The following TMPRSS11F variants were observed in gnomAD, a reference collection of about 807,000 sequenced individuals.
TMPRSS11F encodes the protein transmembrane serine protease 11F.
Under a neutral mutation model 60.2 loss-of-function variants are expected in TMPRSS11F, and 47 were observed. The ratio of observed to expected loss-of-function variants is 0.78; its 90% CI spans 0.62 to 1.00. The LOEUF is 1.00. Among genes scored for constraint, TMPRSS11F ranks in the 50% least tolerant of loss-of-function variants. The probability of loss-of-function intolerance (pLI) is 0.00; values close to 1 mark genes in which losing one functional copy is unlikely to be tolerated. For missense variants in TMPRSS11F, 519 were observed against 522.9 expected (o/e 0.99, Z 0.07); for synonymous variants, 166 against 167.3 (o/e 0.99, Z 0.06).
intron 9 of TMPRSS11F, among the ~76,000 whole-genome samples, chr4:68,057,481 C>T (rs1447243499): frequency 6.6e-6 from 1 of 151,876 alleles, no homozygotes; most frequent in Middle Eastern, 3.2e-3. Context: ...ACTCAGGCAA[C>T]AAAAGCAAAA....
intron 1 of TMPRSS11F, among the ~76,000 whole-genome samples, chr4:68,119,552 C>CT (rs970909228): frequency 6.6e-6 from 1 of 152,086 alleles, no homozygotes; most frequent in Non-Finnish European, 1.5e-5. Context: ...TTCTAGGGCC[C>CT]TTAAGAATTA....
intron 1 of TMPRSS11F, among the ~76,000 whole-genome samples, chr4:68,116,763 A>G (rs1159463036): frequency 1.3e-5 from 2 of 152,240 alleles, no homozygotes; most frequent in African/African-American, 4.8e-5. Context: ...TCCTCAATAA[A>G]GAGTATTAGG....
At position 68,129,813 on chromosome 4, in the gene TMPRSS11F, T is replaced by C. The variant is rs1724783823; in HGVS notation, c.8A>G (p.Tyr3Cys). The C allele has an allele frequency of 6.2e-7, 1 of 1,613,304 alleles. No homozygotes were observed. Among genetic ancestry groups the C allele is most frequent in the African/African-American group, 1.3e-5 (1 of 74,930 alleles). The change falls in exon 1 of 10, where the codon TAC (tyrosine) becomes TGC (cysteine). Residue 3 changes from tyrosine to cysteine, a missense_variant. By Grantham distance (194) the Tyr-to-Cys change is radical. Coordinates refer to ENST00000356291, the MANE Select transcript of TMPRSS11F (RefSeq NM_207407.2). Reference protein sequence around the residue: MMYAPVEFSEAEF... With the variant: MMCAPVEFSEAEF... ...CTGAGAAAAGCTGAATACTTACGCG[T>C]ACATCATGAACCCAGGACTGGGGCA... is the stretch of plus-strand genomic sequence containing the variant.
Position 68,102,640 on chromosome 4 carries a change from T to C in TMPRSS11F, c.12-3602A>G, listed in dbSNP as rs549045262. The stretch of plus-strand genomic sequence containing the variant: ...TTCTTTAGAGAAATGTCTATTCAGG[T>C]CTTTTGCACATTTTTTAATCAGGTT... On this transcript the variant is annotated intron_variant, in intron 1 of 9. Transcript: ENST00000356291. 5.9e-5 allele frequency among the ~76,000 whole-genome samples: 9 copies of C among 152,294 alleles called. No individual in the cohort carries two copies. In the East Asian group the frequency reaches 1.7e-3, roughly 29 times the overall value.
At chr4:68,074,998 A>T (rs921194021) in intron 3 of TMPRSS11F, among the ~76,000 whole-genome samples, 15 of 152,344 alleles carry the variant, frequency 9.8e-5, no homozygotes, top group Middle Eastern at 3.4e-3. Context: ...AGATTAAAAA[A>T]TTTTTTTAAA....
chr4:68,073,568 G>T (rs1215925265), intron 4 of TMPRSS11F, among the ~76,000 whole-genome samples: 1 of 152,164 alleles, frequency 6.6e-6, no homozygotes, highest in Non-Finnish European at 1.5e-5. Flanking sequence ...TGTCATGAAA[G>T]AAACACTTTA....
At chr4:68,117,372 C>T (rs925877929) in intron 1 of TMPRSS11F, among the ~76,000 whole-genome samples, 2 of 142,512 alleles carry the variant, frequency 1.4e-5, no homozygotes, top group Non-Finnish European at 3.0e-5. Flanking sequence ...GGGGCTGAGG[C>T]AGGAGAATGG....
At position 68,058,724 on chromosome 4, in the gene TMPRSS11F, T is replaced by C. The variant is rs72853374; in HGVS notation, c.1158+602A>G. 5.2e-3 allele frequency among the ~76,000 whole-genome samples: 794 copies of C among 151,802 alleles called. 9 individuals are homozygous for C. Among genetic ancestry groups the C allele is most frequent in the African/African-American group, 0.016 (682 of 41,362 alleles). ...AGGTTGTGCATGTTGGGAATGAGAG[T>C]TGGTAGACTAGGGTATAACATAGTA... is the stretch of plus-strand genomic sequence containing the variant. On this transcript the variant is annotated intron_variant, in intron 9 of 9. Coordinates refer to ENST00000356291, the MANE Select transcript of TMPRSS11F (RefSeq NM_207407.2).
intron 1 of TMPRSS11F, among the ~76,000 whole-genome samples, chr4:68,126,175 A>G (rs1182156643): frequency 6.6e-6 from 1 of 152,120 alleles, no homozygotes; most frequent in African/African-American, 2.4e-5. Context: ...ATATGTGTGT[A>G]TGTGTGTATT....
intron 1 of TMPRSS11F, among the ~76,000 whole-genome samples, chr4:68,117,390 C>A (rs1388305537): frequency 6.8e-6 from 1 of 146,526 alleles, no homozygotes; most frequent in Non-Finnish European, 1.5e-5. Context: ...TGGAGTGAAC[C>A]CTGGGTGGCA....
At chr4:68,061,899 A>T (rs1016819881) in intron 8 of TMPRSS11F, 37 of 421,786 alleles carry the variant, frequency 8.8e-5, no homozygotes, top group African/African-American at 7.6e-4. Context: ...TGAACTTTTA[A>T]AAAAAAATTA....
At chr4:68,121,019 T>C (rs1724615939) in intron 1 of TMPRSS11F, among the ~76,000 whole-genome samples, 1 of 152,228 alleles carries the variant, frequency 6.6e-6, no homozygotes, top group African/African-American at 2.4e-5. Flanking sequence ...TATTGTGATA[T>C]TCACTTTATT....
chr4:68,090,488 C>A (rs549070724), intron 3 of TMPRSS11F, 35 bp downstream of exon 3: 3 of 1,551,318 alleles, frequency 1.9e-6, no homozygotes, highest in Admixed American at 4.3e-5. Context: ...GCAAAAGACA[C>A]ATTAATAAAC....
chr4:68,073,021 T>C lies in TMPRSS11F; in HGVS notation c.351-535A>G, dbSNP rs576383313. Among the ~76,000 whole-genome samples the C allele has an allele frequency of 7.2e-5, 11 of 152,216 alleles. No homozygotes were observed. The South Asian group carries it at 2.3e-3, about 32-fold the overall frequency. On this transcript the variant is annotated intron_variant, in intron 4 of 9. Coordinates refer to ENST00000356291, the MANE Select transcript of TMPRSS11F (RefSeq NM_207407.2). ...GCCAATGAAATATGGAAAGAAATAA[T>C]GTTCCCCACTTCCAGGTCTGGCTTC...
At chr4:68,117,518 A>G (rs925863949) in intron 1 of TMPRSS11F, among the ~76,000 whole-genome samples, 1 of 150,638 alleles carries the variant, frequency 6.6e-6, no homozygotes, top group Non-Finnish European at 1.5e-5. Context: ...CTGAATAGAC[A>G]TTCCATCAAA....
At chr4:68,071,907 A>T (rs1393438756) in intron 5 of TMPRSS11F, among the ~76,000 whole-genome samples, 1 of 151,972 alleles carries the variant, frequency 6.6e-6, no homozygotes, top group Non-Finnish European at 1.5e-5. Flanking sequence ...TAACCCCCAG[A>T]AATGATCTGT....
intron 1 of TMPRSS11F, among the ~76,000 whole-genome samples, chr4:68,109,587 G>A (rs1210267525): frequency 2.0e-5 from 3 of 152,126 alleles, no homozygotes; most frequent in East Asian, 3.8e-4. Flanking sequence ...TTGAAATAAA[G>A]AGCCAATAGT....
At chr4:68,063,114 A>G (rs745865183) in intron 8 of TMPRSS11F, 16 of 632,214 alleles carry the variant, frequency 2.5e-5, no homozygotes, top group Non-Finnish European at 4.6e-5. Flanking sequence ...AACATTTTCA[A>G]AACAGAACTG....
rs552938947 is a variant in TMPRSS11F at position 68,128,890 on chromosome 4, T to G, written c.11+920A>C. ...CTTATGCTGTCATTTGAAAGTAAAT[T>G]AGGGAGGGCAGGAACACTCATCATT... is the stretch of plus-strand genomic sequence containing the variant. On this transcript the variant is annotated intron_variant, in intron 1 of 9. Coordinates refer to ENST00000356291, the MANE Select transcript of TMPRSS11F (RefSeq NM_207407.2). 1.6e-3 allele frequency among the ~76,000 whole-genome samples: 247 copies of G among 152,134 alleles called. 1 individual carries two copies. Among genetic ancestry groups the G allele is most frequent in the African/African-American group, 5.8e-3 (240 of 41,522 alleles).
Sources: allele counts gnomAD v4.1 joint callset (sites outside exome capture counted in the v4.1 genomes callset), GRCh38; gene constraint gnomAD v4.1.1; transcripts MANE v1.5; gene names NCBI Gene and HGNC (gene_info 2026-07-23, HGNC 2026-07-21).